The following ZFAND3 variants were observed in gnomAD, a reference collection of about 807,000 sequenced individuals.
ZFAND3 encodes zinc finger AN1-type containing 3.
In ZFAND3, 10 loss-of-function variants were observed where a neutral mutation model predicts 29.6. That is an observed-to-expected ratio of 0.34 (90% CI 0.21 to 0.57). ZFAND3 has a LOEUF of 0.57. Among genes scored for constraint, ZFAND3 ranks in the 20% least tolerant of loss-of-function variants. ZFAND3 has a pLI of 0.86. For synonymous variants in ZFAND3, 128 were observed against 112.6 expected (o/e 1.14, Z -0.87); for missense variants, 230 against 304.5 (o/e 0.76, Z 1.82).
intron 2 of ZFAND3, among the ~76,000 whole-genome samples, chr6:38,033,795 A>T (rs924892319): frequency 1.3e-5 from 2 of 152,196 alleles, no homozygotes; most frequent in South Asian, 2.1e-4. Context: ...GCTTTCAGGG[A>T]TAGCTCAGTC....
At chr6:38,109,572 T>G (rs1228114134) in intron 4 of ZFAND3, among the ~76,000 whole-genome samples, 3 of 152,152 alleles carry the variant, frequency 2.0e-5, no homozygotes, top group East Asian at 3.9e-4. Flanking sequence ...TTTGATGAGT[T>G]CATAGTCACT....
intron 2 of ZFAND3, among the ~76,000 whole-genome samples, chr6:37,937,808 G>A (rs754021556): frequency 2.6e-5 from 4 of 152,008 alleles, no homozygotes; most frequent in African/African-American, 4.8e-5. Flanking sequence ...GGGATTTCTC[G>A]TGTAACACAC....
At position 37,983,343 on chromosome 6, in the gene ZFAND3, CTTTTTTTTTTTT is replaced by C. The variant is rs70981516; in HGVS notation, c.112+53363_112+53374del. Reference sequence around the variant, plus strand: ...CCTATACAGGTGTACCAGTTTTTATCTTTTTTTTTTTTTTTTTTTTTTTTTTTTTTGAGATGG... The same window carrying C: ...CCTATACAGGTGTACCAGTTTTTATCTTTTTTTTTTTTTTTTTTGAGATGG... On this transcript the variant is annotated intron_variant, in intron 2 of 5. Transcript: ENST00000287218. 3.9e-3 allele frequency among the ~76,000 whole-genome samples: 195 copies of C among 50,052 alleles called. 1 individual carries two copies. The highest frequency in any genetic ancestry group is 0.011 in the African/African-American group (136 of 12,360). 32.8% of individuals were successfully genotyped at this position (50,052 alleles called of 152,430 possible).
intron 2 of ZFAND3, among the ~76,000 whole-genome samples, chr6:38,015,186 C>G (rs1044064362): frequency 4.6e-5 from 7 of 152,046 alleles, no homozygotes; most frequent in African/African-American, 1.7e-4. Flanking sequence ...GTTAACTGTG[C>G]TTTTGTAGTT....
intron 2 of ZFAND3, among the ~76,000 whole-genome samples, chr6:37,974,101 C>A (rs1042302218): frequency 5.3e-5 from 8 of 152,204 alleles, no homozygotes; most frequent in Non-Finnish European, 1.0e-4. Flanking sequence ...CCTTTACCTT[C>A]ATTATTTTCT....
Position 38,152,959 on chromosome 6 carries a change from G to A in ZFAND3, c.*570G>A. The stretch of plus-strand genomic sequence containing the variant: ...TCTCCCACAGAGCTGGAAATGGGGG[G>A]TGGGGGACAGATTCTTACGGAAATT... On this transcript the variant is annotated 3_prime_UTR_variant, in exon 6 of 6. Transcript: ENST00000287218. 1.0e-6 allele frequency: 1 copy of A among 985,932 alleles called. No individual in the cohort carries two copies. Among genetic ancestry groups the A allele is most frequent in the Non-Finnish European group, 1.2e-6 (1 of 829,976 alleles). 61.1% of individuals were successfully genotyped at this position (985,932 alleles called of 1,614,324 possible).
chr6:38,023,121 C>T (rs1763381533), intron 2 of ZFAND3, among the ~76,000 whole-genome samples: 1 of 152,182 alleles, frequency 6.6e-6, no homozygotes, highest in South Asian at 2.1e-4. Context: ...CCTTTCAATA[C>T]ACTCTAACCA....
chr6:37,886,280 A>AAAAAAAAAAAAAC (rs1561922411), intron 1 of ZFAND3, among the ~76,000 whole-genome samples: 12 of 128,926 alleles, frequency 9.3e-5, no homozygotes, highest in African/African-American at 3.0e-4. Flanking sequence ...AAAAAAAAAA[A>AAAAAAAAAAAAAC]AGTTCAAAGA....
chr6:38,116,209 T>A (rs943004602), intron 4 of ZFAND3, among the ~76,000 whole-genome samples: 1 of 152,120 alleles, frequency 6.6e-6, no homozygotes, highest in Admixed American at 6.5e-5. Context: ...ATCTAACCAA[T>A]ACAGGCAGTA....
chr6:37,920,060 T>C (rs1350895616), intron 1 of ZFAND3, among the ~76,000 whole-genome samples: 1 of 150,564 alleles, frequency 6.6e-6, no homozygotes, highest in Non-Finnish European at 1.5e-5. Context: ...AGCTTTTTTT[T>C]TTTTTTTTTT....
intron 1 of ZFAND3, among the ~76,000 whole-genome samples, chr6:37,823,804 G>T (rs181682612): frequency 1.6e-4 from 24 of 151,408 alleles, no homozygotes; most frequent in African/African-American, 2.2e-4. Context: ...TTTTTTTTGG[G>T]GGGGGGTAGG....
At chr6:37,824,056 G>A (rs1476511834) in intron 1 of ZFAND3, among the ~76,000 whole-genome samples, 3 of 152,178 alleles carry the variant, frequency 2.0e-5, no homozygotes, top group East Asian at 3.9e-4. Context: ...GATTACCGGC[G>A]TGAGCCACCG....
At chr6:38,117,256 CTTTTTTTTTTT>C (rs35684874) in intron 5 of ZFAND3, among the ~76,000 whole-genome samples, 2 of 96,352 alleles carry the variant, frequency 2.1e-5, no homozygotes, top group Non-Finnish European at 4.0e-5. Flanking sequence ...TTGAAATAGC[CTTTTTTTTTTT>C]TTTTTTTTTT....
At chr6:38,018,741 C>T (rs1021453175) in intron 2 of ZFAND3, among the ~76,000 whole-genome samples, 2 of 152,080 alleles carry the variant, frequency 1.3e-5, no homozygotes, top group African/African-American at 4.8e-5. Context: ...AACAACTCTC[C>T]AGTTATTATT....
intron 1 of ZFAND3, among the ~76,000 whole-genome samples, chr6:37,880,343 G>T (rs1764869054): frequency 6.6e-6 from 1 of 152,144 alleles, no homozygotes; most frequent in Non-Finnish European, 1.5e-5. Context: ...AAATTACTTT[G>T]TTCTGGAGCT....
At chr6:38,025,180 C>T (rs1447954962) in intron 2 of ZFAND3, among the ~76,000 whole-genome samples, 1 of 152,120 alleles carries the variant, frequency 6.6e-6, no homozygotes, top group Admixed American at 6.5e-5. Flanking sequence ...GCTTAAGCTG[C>T]TGTAAAAATG....
At chr6:37,877,583 C>G (rs1764816755) in intron 1 of ZFAND3, among the ~76,000 whole-genome samples, 1 of 152,184 alleles carries the variant, frequency 6.6e-6, no homozygotes, top group Non-Finnish European at 1.5e-5. Flanking sequence ...TAGTTTAGCA[C>G]TGAGCAATCC....
At chr6:37,999,221 T>C (rs1762903024) in intron 2 of ZFAND3, among the ~76,000 whole-genome samples, 1 of 152,124 alleles carries the variant, frequency 6.6e-6, no homozygotes, top group African/African-American at 2.4e-5. Flanking sequence ...AACAACAAAA[T>C]AAAATACTAA....
intron 1 of ZFAND3, 138 bp from the exon 2 acceptor site, chr6:37,929,821 G>T: frequency 1.6e-6 from 1 of 627,144 alleles, no homozygotes; most frequent in Non-Finnish European, 2.5e-6. Context: ...CTAGGGACTT[G>T]TTATTAATTT....
Sources: allele counts gnomAD v4.1 joint callset (sites outside exome capture counted in the v4.1 genomes callset), GRCh38; gene constraint gnomAD v4.1.1; transcripts MANE v1.5; gene names NCBI Gene and HGNC (gene_info 2026-07-23, HGNC 2026-07-21).